Variants in PCDHGA3 observed in about 807,000 individuals in gnomAD.
PCDHGA3 encodes protocadherin gamma subfamily A, 3, also known as protocadherin gamma-A3.
In PCDHGA3, 40 loss-of-function variants were observed where a neutral mutation model predicts 58.5. That is an observed-to-expected ratio of 0.68 (90% CI 0.53 to 0.89). The LOEUF (loss-of-function observed/expected upper bound fraction) is 0.89, where lower values mean the gene tolerates loss of function less well. Ranked by LOEUF, PCDHGA3 falls within the 40% of genes least tolerant of loss-of-function variation. The probability of loss-of-function intolerance (pLI) is 0.00; values close to 1 mark genes in which losing one functional copy is unlikely to be tolerated. For synonymous variants in PCDHGA3, 530 were observed against 525.7 expected (o/e 1.01, Z -0.11); for missense variants, 1,223 against 1,195.9 (o/e 1.02, Z -0.33).
At chr5:141,428,489 T>C (rs2097142285) in intron 1 of PCDHGA3, 1 of 312,516 alleles carries the variant, frequency 3.2e-6, no homozygotes. Context: ...TCCTGCAATC[T>C]GTATGTTCCC....
At chr5:141,492,834 G>T (rs544218873) in intron 1 of PCDHGA3, among the ~76,000 whole-genome samples, 36 of 152,332 alleles carry the variant, frequency 2.4e-4, no homozygotes, top group Non-Finnish European at 4.1e-4. Flanking sequence ...CCTTCCTCCC[G>T]CAGGAAGTGA....
At chr5:141,453,608 C>T (rs1015022396) in intron 1 of PCDHGA3, among the ~76,000 whole-genome samples, 6 of 152,068 alleles carry the variant, frequency 3.9e-5, no homozygotes, top group South Asian at 2.1e-4. Context: ...TTTTGCAAAA[C>T]GCAAAAACAA....
rs2099691833 is a variant in PCDHGA3, at chr5:141,489,761, C to A, written c.2425-5046C>A. 8.1e-6 allele frequency: 13 copies of A among 1,614,102 alleles called. No individual in the cohort carries two copies. The highest frequency in any genetic ancestry group is 1.1e-5 in the Non-Finnish European group (13 of 1,179,962). ...ACTGTGAGCTTTTACACTCTAAGCCCCAACAGCCACTTCTCTCTGAATGTG... is the reference window on the plus strand; with the variant it reads ...ACTGTGAGCTTTTACACTCTAAGCCACAACAGCCACTTCTCTCTGAATGTG... On this transcript the variant is annotated intron_variant, in intron 1 of 3. Coordinates refer to ENST00000253812, the MANE Select transcript of PCDHGA3 (RefSeq NM_018916.4). The surrounding 1 kb of genome is among the most constrained non-coding windows in gnomAD (Gnocchi z 4.5).
chr5:141,408,071 T>C, intron 1 of PCDHGA3: 4 of 1,384,774 alleles, frequency 2.9e-6, no homozygotes, highest in Non-Finnish European at 2.9e-6. Context: ...GCGCAGACCT[T>C]TCCCAGCACA....
At chr5:141,398,949 C>T (rs749860900) in intron 1 of PCDHGA3, 1 of 1,613,948 alleles carries the variant, frequency 6.2e-7, no homozygotes, top group Non-Finnish European at 8.5e-7. Flanking sequence ...AGGGCATCAA[C>T]TCAGAAATTA....
intron 1 of PCDHGA3, among the ~76,000 whole-genome samples, chr5:141,453,850 CT>C (rs1465668273): frequency 1.3e-5 from 2 of 152,148 alleles, no homozygotes; most frequent in Non-Finnish European, 2.9e-5. Context: ...CCACAGAGCA[CT>C]TTGAAAATAA....
chr5:141,445,341 A>G (rs1165606147), intron 1 of PCDHGA3, among the ~76,000 whole-genome samples: 2 of 152,218 alleles, frequency 1.3e-5, no homozygotes, highest in African/African-American at 4.8e-5. Context: ...AACAGTAAAC[A>G]TTGGTGTCTG....
At chr5:141,404,241 C>T (rs960579159) in intron 1 of PCDHGA3, 9 of 1,613,576 alleles carry the variant, frequency 5.6e-6, no homozygotes, top group African/African-American at 4.0e-5. Context: ...AGAGGAACTC[C>T]GCCCCTGTCC....
At position 141,487,578 on chromosome 5, in the gene PCDHGA3, C is replaced by T. The variant is rs1293087014; in HGVS notation, c.2425-7229C>T. The T allele has an allele frequency of 1.2e-6, 2 of 1,614,052 alleles. No individual in the cohort carries two copies. Among genetic ancestry groups the T allele is most frequent in the Non-Finnish European group, 1.7e-6 (2 of 1,180,044 alleles). ...CCTATGGCAGGGGAGCCTGTTCGCC[C>T]AAGCTGCCCACCCTCTGATCTTCTC... On this transcript the variant is annotated intron_variant, in intron 1 of 3. Coordinates refer to ENST00000253812, the MANE Select transcript of PCDHGA3 (RefSeq NM_018916.4). The surrounding 1 kb of genome is among the most constrained non-coding windows in gnomAD (Gnocchi z 5.0).
chr5:141,426,589 T>G (rs2096945227), intron 1 of PCDHGA3: 1 of 369,180 alleles, frequency 2.7e-6, no homozygotes, highest in South Asian at 2.0e-5. Context: ...ATCCTCTGTG[T>G]CATACCCTTA....
chr5:141,388,818 G>T, intron 1 of PCDHGA3: 2 of 1,613,928 alleles, frequency 1.2e-6, no homozygotes, highest in Non-Finnish European at 1.7e-6. Context: ...AGAAGTCAAA[G>T]AATATTCCAT....
Position 141,489,565 on chromosome 5 carries a change from G to C in PCDHGA3, c.2425-5242G>C. The C allele has an allele frequency of 6.2e-7, 1 of 1,614,118 alleles. No homozygotes were observed. ...CAGCTGCCTGCTGCCAGTGCAGGTGGTGACTGAACACCCCCTGGAGCTAAT... is the reference window on the plus strand; with the variant it reads ...CAGCTGCCTGCTGCCAGTGCAGGTGCTGACTGAACACCCCCTGGAGCTAAT... On this transcript the variant is annotated intron_variant, in intron 1 of 3. Coordinates refer to ENST00000253812, the MANE Select transcript of PCDHGA3 (RefSeq NM_018916.4). This position sits in a 1 kb window ranked among gnomAD's most constrained non-coding sequence, Gnocchi z 4.5.
At position 141,491,605 on chromosome 5, in the gene PCDHGA3, T is replaced by C; in HGVS notation, c.2425-3202T>C. On this transcript the variant is annotated intron_variant, in intron 1 of 3. Coordinates refer to ENST00000253812, the MANE Select transcript of PCDHGA3 (RefSeq NM_018916.4). This position sits in a 1 kb window ranked among gnomAD's most constrained non-coding sequence, Gnocchi z 6.9. Reference sequence around the variant, plus strand: ...GGCCTCGGACGGCAGTGACTTCACTTTTCTAAGACCCCTCAGCGTTCAGCA... The same window carrying C: ...GGCCTCGGACGGCAGTGACTTCACTCTTCTAAGACCCCTCAGCGTTCAGCA... 6.2e-7 allele frequency: 1 copy of C among 1,613,868 alleles called. No individual in the cohort carries two copies. Among genetic ancestry groups the C allele is most frequent in the East Asian group, 2.2e-5 (1 of 44,858 alleles).
intron 1 of PCDHGA3, chr5:141,409,616 G>T: frequency 6.2e-7 from 1 of 1,613,882 alleles, no homozygotes; most frequent in African/African-American, 1.3e-5. Context: ...AGCCTCCATT[G>T]CGCAAGTGAG....
intron 1 of PCDHGA3, chr5:141,388,337 A>C: frequency 6.2e-7 from 1 of 1,613,990 alleles, no homozygotes; most frequent in Non-Finnish European, 8.5e-7. Context: ...CTGGCACACG[A>C]TTTATATTAG....
intron 1 of PCDHGA3, chr5:141,364,423 C>T (rs773799474): frequency 6.2e-7 from 1 of 1,613,592 alleles, no homozygotes; most frequent in South Asian, 1.1e-5. Context: ...CCGGGCAGAT[C>T]CGCTACTCGA....
intron 1 of PCDHGA3, chr5:141,360,948 A>G (rs1375491935): frequency 3.1e-6 from 5 of 1,613,966 alleles, no homozygotes; most frequent in Non-Finnish European, 4.2e-6. Context: ...ACCGGGATGA[A>G]GGCATAAACG....
chr5:141,436,120 TC>T (rs2154556955), intron 1 of PCDHGA3, among the ~76,000 whole-genome samples: 1 of 152,344 alleles, frequency 6.6e-6, no homozygotes, highest in South Asian at 2.1e-4. Context: ...GAAACCTCTC[TC>T]CTCCATCATC....
intron 1 of PCDHGA3, among the ~76,000 whole-genome samples, chr5:141,434,748 C>T (rs932613622): frequency 2.0e-5 from 3 of 151,818 alleles, no homozygotes; most frequent in African/African-American, 7.3e-5. Flanking sequence ...CTATGAGACC[C>T]CTGATTCCCC....
Sources: allele counts gnomAD v4.1 joint callset (sites outside exome capture counted in the v4.1 genomes callset), GRCh38; gene constraint gnomAD v4.1.1; non-coding constraint Gnocchi (gnomAD v3.1); transcripts MANE v1.5; gene names NCBI Gene and HGNC (gene_info 2026-07-23, HGNC 2026-07-21).